GPHN: variants seen among roughly 807,000 people sequenced by gnomAD.
GPHN encodes the protein gephyrin.
Under a neutral mutation model 95.5 loss-of-function variants are expected in GPHN, and 17 were observed. The observed-to-expected ratio is 0.18, with a 90% CI of 0.12 to 0.27. GPHN has a LOEUF of 0.27. Among genes scored for constraint, GPHN ranks in the 10% least tolerant of loss-of-function variants. The pLI is 1.00. For synonymous variants in GPHN, 320 were observed against 322.5 expected, an observed-to-expected ratio of 0.99 and a Z score of 0.08; for missense variants, 660 against 978.1, an observed-to-expected ratio of 0.67 and a Z score of 4.34.
the GPHN span, chr14:67,585,844 A>G: frequency 8.1e-7 from 1 of 1,230,552 alleles, no homozygotes; most frequent in Non-Finnish European, 1.2e-6. Flanking sequence ...AATTATGACC[A>G]CTTGGGAGTT....
chr14:67,519,147 C>A, the GPHN span, among the ~76,000 whole-genome samples: 11 of 151,984 alleles, frequency 7.2e-5, no homozygotes, highest in Admixed American at 5.9e-4. Flanking sequence ...TGCAACTGCC[C>A]CTTCTCAAAA....
At chr14:66,670,640 A>C (rs946024271) in intron 1 of GPHN, among the ~76,000 whole-genome samples, 1 of 152,092 alleles carries the variant, frequency 6.6e-6, no homozygotes, top group Non-Finnish European at 1.5e-5. Flanking sequence ...AATACAAAAA[A>C]ATTTAGCTGG....
chr14:67,720,240 C>A, the GPHN span, among the ~76,000 whole-genome samples: 5 of 152,254 alleles, frequency 3.3e-5, no homozygotes, highest in Admixed American at 6.5e-5. Context: ...GTTGTTATTC[C>A]TTTTCTTACT....
At chr14:66,611,146 A>G (rs919633666) in intron 1 of GPHN, among the ~76,000 whole-genome samples, 1 of 152,208 alleles carries the variant, frequency 6.6e-6, no homozygotes, top group Non-Finnish European at 1.5e-5. Context: ...AATTTTTCAA[A>G]TAAGAAACTA....
chr14:66,783,306 A>T (rs1272570945), intron 3 of GPHN, among the ~76,000 whole-genome samples: 1 of 152,110 alleles, frequency 6.6e-6, no homozygotes, highest in Admixed American at 6.5e-5. Flanking sequence ...GTAGGGAGCT[A>T]TTCTTCCATC....
At chr14:66,800,776 A>T (rs1035385791) in intron 3 of GPHN, among the ~76,000 whole-genome samples, 1 of 152,018 alleles carries the variant, frequency 6.6e-6, no homozygotes, top group African/African-American at 2.4e-5. Flanking sequence ...CCTTTTGAAT[A>T]ATCTTTCTAC....
At chr14:67,393,040 G>T in the GPHN span, 3 of 950,206 alleles carry the variant, frequency 3.2e-6, no homozygotes, top group South Asian at 1.4e-5. Flanking sequence ...CTAGCCTGTT[G>T]CCCAGCAGGC....
chr14:66,904,751 A>G (rs1356044144), intron 5 of GPHN, among the ~76,000 whole-genome samples: 2 of 152,144 alleles, frequency 1.3e-5, no homozygotes, highest in African/African-American at 4.8e-5. Flanking sequence ...TCTCTAGGCC[A>G]GCCAAAGGGT....
the GPHN span, among the ~76,000 whole-genome samples, chr14:67,606,085 G>A: frequency 5.3e-5 from 8 of 152,236 alleles, no homozygotes; most frequent in South Asian, 8.3e-4. Flanking sequence ...ATTTTTCCCC[G>A]ACATTAATCT....
the GPHN span, chr14:67,320,987 A>T: frequency 1.6e-6 from 2 of 1,282,390 alleles, no homozygotes; most frequent in Non-Finnish European, 2.3e-6. Flanking sequence ...ATTCTTTCTG[A>T]CTAGCAGAAT....
At chr14:66,624,466 A>C (rs564278991) in intron 1 of GPHN, among the ~76,000 whole-genome samples, 16 of 152,298 alleles carry the variant, frequency 1.1e-4, no homozygotes, top group African/African-American at 3.6e-4. Context: ...CTATTAAATA[A>C]ACGGTTGGGT....
the GPHN span, chr14:67,662,581 C>G: frequency 6.5e-7 from 1 of 1,543,206 alleles, no homozygotes; most frequent in African/African-American, 1.4e-5. Flanking sequence ...TGTTTCCACA[C>G]ATTTGTAAAG....
At chr14:66,720,947 G>GT (rs1467294574) in intron 2 of GPHN, among the ~76,000 whole-genome samples, 1 of 152,096 alleles carries the variant, frequency 6.6e-6, no homozygotes, top group Non-Finnish European at 1.5e-5. Flanking sequence ...CTTAAATCTG[G>GT]AAGCCAAAGC....
At chr14:66,960,589 T>A (rs1022253182) in intron 8 of GPHN, among the ~76,000 whole-genome samples, 4 of 152,056 alleles carry the variant, frequency 2.6e-5, no homozygotes, top group African/African-American at 9.7e-5. Flanking sequence ...AACCAAAAAA[T>A]TAATAATAAA....
chr14:67,324,100 A>G, the GPHN span, among the ~76,000 whole-genome samples: 3 of 152,142 alleles, frequency 2.0e-5, no homozygotes, highest in South Asian at 2.1e-4. Context: ...ACTCTTCAGG[A>G]TTACTGACTT....
At chr14:66,995,265 G>T (rs1220773049) in intron 9 of GPHN, among the ~76,000 whole-genome samples, 1 of 152,152 alleles carries the variant, frequency 6.6e-6, no homozygotes, top group Non-Finnish European at 1.5e-5. Flanking sequence ...CATCATAAAG[G>T]TTAAACATTG....
the GPHN span, among the ~76,000 whole-genome samples, chr14:67,631,772 CTCAGGAT>C: frequency 6.6e-6 from 1 of 152,158 alleles, no homozygotes; most frequent in Non-Finnish European, 1.5e-5. Context: ...TGTCAGTGTT[CTCAGGAT>C]TCTGTCCTTG....
At chr14:66,920,456 C>T (rs2066158356) in intron 6 of GPHN, among the ~76,000 whole-genome samples, 1 of 151,936 alleles carries the variant, frequency 6.6e-6, no homozygotes, top group Non-Finnish European at 1.5e-5. Context: ...TCCTATCTTT[C>T]CTGTCTTTCT....
rs528224958 is a variant in GPHN at position 66,563,830 on chromosome 14, T to G, written c.64+55239T>G. 2.0e-5 allele frequency among the ~76,000 whole-genome samples: 3 copies of G among 152,308 alleles called. No individual in the cohort carries two copies. The South Asian group carries it at 6.2e-4, about 32-fold the overall frequency. The stretch of plus-strand genomic sequence containing the variant: ...CTTGCATTTCCATTCACTGGATGCT[T>G]ATCATTCTCTTAAGTGATGGTAATT... On this transcript the variant is annotated intron_variant, in intron 1 of 22. Transcript: ENST00000478722.
Sources: allele counts gnomAD v4.1 joint callset (sites outside exome capture counted in the v4.1 genomes callset), GRCh38; gene constraint gnomAD v4.1.1; transcripts MANE v1.5; gene names NCBI Gene and HGNC (gene_info 2026-07-23, HGNC 2026-07-21).